NCOR2: variants seen among roughly 807,000 people sequenced by gnomAD.
The protein encoded by NCOR2 is nuclear receptor corepressor 2.
NCOR2 carries 81 observed loss-of-function variants against 262.9 expected under a neutral mutation model. That is an observed-to-expected ratio of 0.31 (90% CI 0.26 to 0.37). The LOEUF is 0.37. NCOR2 is among the 10% of genes least tolerant of loss of function. The pLI, the probability that NCOR2 is intolerant of heterozygous loss-of-function variation, is 1.00. For synonymous variants in NCOR2, 1,659 were observed against 1,559.3 expected (o/e 1.06, Z -1.51); for missense variants, 3,385 against 3,621.4 (o/e 0.93, Z 1.68).
chr12:124,563,266 T>C (rs2052128517), intron 1 of NCOR2, among the ~76,000 whole-genome samples: 2 of 152,208 alleles, frequency 1.3e-5, no homozygotes, highest in Admixed American at 1.3e-4. Flanking sequence ...CTCTAATATC[T>C]GGTTAGGACA....
At chr12:124,486,142 C>G (rs1351538482) in intron 2 of NCOR2, among the ~76,000 whole-genome samples, 2 of 152,130 alleles carry the variant, frequency 1.3e-5, no homozygotes, top group African/African-American at 4.8e-5. Flanking sequence ...GGTGTGGACT[C>G]AAATCTTCCC....
chr12:124,385,653 A>T, intron 17 of NCOR2, 92 bp downstream of exon 19: 1 of 1,528,622 alleles, frequency 6.5e-7, no homozygotes, highest in Non-Finnish European at 8.8e-7. Context: ...TCCCTGGCCC[A>T]TGCCTCCTGG....
intron 1 of NCOR2, among the ~76,000 whole-genome samples, chr12:124,545,123 C>T (rs2051499944): frequency 6.6e-6 from 1 of 152,150 alleles, no homozygotes; most frequent in South Asian, 2.1e-4. Context: ...GCCACCTCCC[C>T]AGGGCCCCTT....
At chr12:124,537,156 T>C (rs879426666), upstream of NCOR2, among the ~76,000 whole-genome samples, 6 of 152,220 alleles carry the variant, frequency 3.9e-5, no homozygotes, top group Non-Finnish European at 7.3e-5. Flanking sequence ...TTCCCACAAA[T>C]GTTAGGACGC....
chr12:124,478,294 G>C lies in NCOR2; in HGVS notation c.412-5163C>G, dbSNP rs1482658851. ...CCAATGCTGGACTTCAGTTATGTGA[G>C]CCAGAATTCATGTTTATATTTGATA... On this transcript the variant is annotated intron_variant, in intron 3 of 46. Coordinates refer to ENST00000405201, the Ensembl canonical transcript of NCOR2. Among the ~76,000 whole-genome samples the C allele has an allele frequency of 2.6e-5, 4 of 152,328 alleles. No individual in the cohort carries two copies. In the East Asian group the frequency reaches 7.7e-4, roughly 29 times the overall value.
intron 1 of NCOR2, among the ~76,000 whole-genome samples, chr12:124,512,932 C>T (rs1228202569): frequency 6.6e-6 from 1 of 152,196 alleles, no homozygotes; most frequent in Non-Finnish European, 1.5e-5. Flanking sequence ...TCGAGGGGGA[C>T]CAGACAAACG....
At chr12:124,396,187 G>A (rs1043367831) in intron 16 of NCOR2, among the ~76,000 whole-genome samples, 10 of 152,130 alleles carry the variant, frequency 6.6e-5, no homozygotes, top group African/African-American at 2.4e-4. Context: ...CTGGGGCGGG[G>A]CCCTGGGAGG....
At chr12:124,350,663 G>A (rs138508287) in exon 28 of NCOR2, 7 of 1,613,852 alleles carry the variant, frequency 4.3e-6, no homozygotes, top group Non-Finnish European at 5.9e-6. Context: ...CCCGGCCGCG[G>A]TCCAAGCGAC....
chr12:124,332,545 T>A, intron 42 of NCOR2, 78 bp from the exon 45 acceptor site: 2 of 1,586,470 alleles, frequency 1.3e-6, no homozygotes, highest in African/African-American at 1.3e-5. Flanking sequence ...ACTCACCACC[T>A]GAGATGCCTT....
chr12:124,479,669 A>G (rs1338923339), intron 3 of NCOR2, among the ~76,000 whole-genome samples: 2 of 152,252 alleles, frequency 1.3e-5, no homozygotes, highest in African/African-American at 4.8e-5. Context: ...CAGGAGGCTG[A>G]GCTAAAATTC....
chr12:124,385,646 C>T, intron 17 of NCOR2, 99 bp downstream of exon 19: 1 of 1,514,588 alleles, frequency 6.6e-7, no homozygotes, highest in Non-Finnish European at 8.9e-7. Context: ...TAGCCCCTCC[C>T]TGGCCCATGC....
Position 124,341,818 on chromosome 12 carries a change from C to G in NCOR2, c.5188+5G>C, listed in dbSNP as rs372285448. 6.3e-7 allele frequency: 1 copy of G among 1,594,234 alleles called. No homozygotes were observed. The highest frequency in any genetic ancestry group is 1.7e-4 in the Middle Eastern group (1 of 6,014). On this transcript the variant is annotated splice_donor_5th_base_variant and intron_variant, in intron 34 of 46. Transcript: ENST00000405201. ...CCAGCGGAGGTGGTCTGCCCACCCA[C>G]TCACCTCGGGGACCCGCAGCGTAGT...
At position 124,346,622 on chromosome 12, in the gene NCOR2, C is replaced by T. The variant is rs1159930182; in HGVS notation, c.4301G>A (p.Arg1434Gln). Residue 1434 changes from arginine (R) to glutamine (Q), a missense_variant, in exon 31 of 47, where the codon CGG (arginine) becomes CAG (glutamine). Transcript: ENST00000405201. ...GGCCAGGGGCAGCTCGGGCGTGTGC[C>T]GCAGCTCCTCGCGCGGGATCTCATG... 1.4e-5 allele frequency: 23 copies of T among 1,593,062 alleles called. 1 individual carries two copies. The highest frequency in any genetic ancestry group is 4.5e-5 in the South Asian group (4 of 88,822).
chr12:124,350,565 C>G (rs1369616556), intron 28 of NCOR2, 22 bp downstream of exon 30: 1 of 1,605,630 alleles, frequency 6.2e-7, no homozygotes, highest in Non-Finnish European at 8.5e-7. Flanking sequence ...GGTCCTGGGC[C>G]TCCTCTCCTC....
chr12:124,467,291 TCCTCATCAC>T (rs1357279563), intron 4 of NCOR2, among the ~76,000 whole-genome samples: 1 of 23,076 alleles, frequency 4.3e-5, no homozygotes, highest in African/African-American at 1.8e-4. Flanking sequence ...ATCACCCTCA[TCCTCATCAC>T]CCTCATCCTC....
At chr12:124,530,264 A>T (rs1220165104) in intron 1 of NCOR2, 2 of 149,382 alleles carry the variant, frequency 1.3e-5, no homozygotes, top group African/African-American at 4.9e-5. Context: ...ATAACAGCAG[A>T]TCAGTGGGTA....
Position 124,343,288 on chromosome 12 carries a change from G to A in NCOR2, c.4715-62C>T, listed in dbSNP as rs2036609879. ...GGCTGGCATTTACGGGGAGTTGTTT[G>A]AGGATAGGGACCTCGGGATCCCAAG... On this transcript the variant is annotated intron_variant, in intron 32 of 46. Transcript: ENST00000405201. 3 of 1,425,136 alleles carry A rather than the reference G, an allele frequency of 2.1e-6. No individual in the cohort carries two copies. The South Asian group carries it at 3.7e-5, about 17-fold the overall frequency. 88.3% of individuals were successfully genotyped at this position (1,425,136 alleles called of 1,614,324 possible).
At chr12:124,510,841 G>A (rs558164977) in intron 1 of NCOR2, among the ~76,000 whole-genome samples, 3 of 152,080 alleles carry the variant, frequency 2.0e-5, no homozygotes, top group South Asian at 2.1e-4. Context: ...TGTCCACCCC[G>A]GGCCCAGGAG....
chr12:124,436,888 G>A (rs1252330031), intron 8 of NCOR2, among the ~76,000 whole-genome samples: 1 of 152,172 alleles, frequency 6.6e-6, no homozygotes, highest in African/African-American at 2.4e-5. Flanking sequence ...GGGAGTTCAA[G>A]ACCAGCCTGG....
Sources: allele counts gnomAD v4.1 joint callset (sites outside exome capture counted in the v4.1 genomes callset), GRCh38; gene constraint gnomAD v4.1.1; transcripts MANE v1.5; gene names NCBI Gene and HGNC (gene_info 2026-07-23, HGNC 2026-07-21).